Variants in MTCL1 observed in about 807,000 individuals in gnomAD.
MTCL1 encodes the protein microtubule cross-linking factor 1.
In MTCL1, 79 loss-of-function variants were observed where a neutral mutation model predicts 141.4. The observed-to-expected ratio is 0.56, with a 90% confidence interval of 0.47 to 0.67. The LOEUF is 0.67. Ranked by LOEUF, MTCL1 falls within the 30% of genes least tolerant of loss-of-function variation. The pLI, the probability that MTCL1 is intolerant of heterozygous loss-of-function variation, is 0.00. For synonymous variants in MTCL1, 914 were observed against 875.8 expected (o/e 1.04, Z -0.77); for missense variants, 2,177 against 2,113.9 (o/e 1.03, Z -0.59).
At chr18:8,803,650 G>A (rs568529842) in intron 10 of MTCL1, among the ~76,000 whole-genome samples, 1 of 152,282 alleles carries the variant, frequency 6.6e-6, no homozygotes, top group East Asian at 1.9e-4. Flanking sequence ...GGTACCAATA[G>A]CATTGAGCTG....
chr18:8,717,197 G>C (rs983673617), upstream of MTCL1, among the ~76,000 whole-genome samples: 2 of 152,096 alleles, frequency 1.3e-5, no homozygotes, highest in Non-Finnish European at 2.9e-5. Context: ...TGTTAGTGTA[G>C]GTGACAGACA....
upstream of MTCL1, among the ~76,000 whole-genome samples, chr18:8,713,935 T>C (rs1383197484): frequency 6.6e-6 from 1 of 152,146 alleles, no homozygotes; most frequent in Non-Finnish European, 1.5e-5. Flanking sequence ...AGAGTGAGAC[T>C]CTGTCTCTTT....
intron 4 of MTCL1, among the ~76,000 whole-genome samples, chr18:8,721,464 G>A (rs767247656): frequency 1.1e-4 from 17 of 152,178 alleles, no homozygotes; most frequent in Non-Finnish European, 2.2e-4. Flanking sequence ...ACAAATCACA[G>A]CAAAGTAGCA....
chr18:8,809,257 A>G (rs1438740182), intron 11 of MTCL1, among the ~76,000 whole-genome samples: 1 of 152,202 alleles, frequency 6.6e-6, no homozygotes, highest in Non-Finnish European at 1.5e-5. Flanking sequence ...GTAGACTGAA[A>G]TCAGGGAATT....
rs980826417 is a variant in MTCL1 at position 8,818,203 on chromosome 18, T to C, written c.2860-760T>C. Among the ~76,000 whole-genome samples the C allele has an allele frequency of 9.9e-5, 15 of 152,218 alleles. 2 individuals are homozygous for C. Among genetic ancestry groups the C allele is most frequent in the Admixed American group, 9.2e-4 (14 of 15,280 alleles). ...ACTGAGCTCAGGAGAGTCGGGAACT[T>C]GCACCTGCCTGCAAACCAGCAAGCC... is the stretch of plus-strand genomic sequence containing the variant. On this transcript the variant is annotated intron_variant, in intron 12 of 16. Coordinates refer to ENST00000359865, the Ensembl canonical transcript of MTCL1.
rs779687112 is a variant in MTCL1, at chr18:8,783,690, C to T, written c.578C>T (p.Thr193Met). Residue 193 changes from threonine to methionine, a missense_variant, in exon 6 of 17, where the codon ACG (threonine) becomes ATG (methionine). Thr to Met is a moderately conservative substitution (Grantham distance 81). Coordinates refer to ENST00000359865, the Ensembl canonical transcript of MTCL1. ...GGGGATGTGGACAGTCCCCTGCCCA[C>T]GGGGGAAGCAGGCGGGCCCCCCAGC... 1.7e-5 allele frequency: 28 copies of T among 1,610,118 alleles called. No homozygotes were observed. The highest frequency in any genetic ancestry group is 1.6e-5 in the Non-Finnish European group (19 of 1,178,072).
At chr18:8,747,048 A>G (rs73939524) in intron 4 of MTCL1, among the ~76,000 whole-genome samples, 17,796 of 152,084 alleles carry the variant, frequency 0.12, 2,313 homozygotes, top group African/African-American at 0.31. Context: ...CACCCTTCCG[A>G]TGTCCTGTGT....
At chr18:8,719,027 T>A (rs891151197) in intron 3 of MTCL1, among the ~76,000 whole-genome samples, 7 of 152,132 alleles carry the variant, frequency 4.6e-5, no homozygotes, top group Non-Finnish European at 8.8e-5. Context: ...TCACTTAACA[T>A]TTTTTTATTG....
intron 4 of MTCL1, among the ~76,000 whole-genome samples, chr18:8,771,306 T>C (rs1414704370): frequency 1.3e-5 from 2 of 152,110 alleles, no homozygotes; most frequent in Non-Finnish European, 2.9e-5. Flanking sequence ...AGTAAAGGAA[T>C]CTTAATAACT....
chr18:8,825,985 G>A (rs114381054), exon 15 of MTCL1: 2 of 1,599,022 alleles, frequency 1.3e-6, no homozygotes, highest in South Asian at 1.1e-5. Context: ...TCCCGAGGAA[G>A]GTCGCCTAGC....
chr18:8,787,859 C>T (rs663178), intron 7 of MTCL1, among the ~76,000 whole-genome samples: 85,338 of 152,068 alleles, frequency 0.56, 24,847 homozygotes, highest in African/African-American at 0.73. Context: ...CTCCACAGTG[C>T]TTCCTTTTAT....
chr18:8,813,982 A>G (rs1317657734), intron 12 of MTCL1, among the ~76,000 whole-genome samples: 5 of 152,246 alleles, frequency 3.3e-5, no homozygotes, highest in Admixed American at 6.5e-5. Context: ...TTTACATAGT[A>G]TATATTTTGT....
In MTCL1 at chr18:8,785,845, C is replaced by G. The variant is rs2096551446; in HGVS notation, c.1732-91C>G. ...CATTTTTGTTTTCTTTATCCCCCCT[C>G]CCTGCCTCCACCCTTGTCCTTTGTT... On this transcript the variant is annotated intron_variant, in intron 6 of 16. Transcript: ENST00000359865. The G allele has an allele frequency of 2.0e-6, 3 of 1,480,574 alleles. No homozygotes were observed. In the African/African-American group the frequency reaches 4.2e-5, roughly 21 times the overall value. The allele number at this position is 1,480,574 out of a possible 1,614,324, so 91.7% of individuals were successfully genotyped here.
chr18:8,829,510 AT>A, intron 16 of MTCL1: 1 of 951,970 alleles, frequency 1.1e-6, no homozygotes, highest in African/African-American at 1.8e-5. Flanking sequence ...CTCAATAAAT[AT>A]TTGTTGAATG....
upstream of MTCL1, among the ~76,000 whole-genome samples, chr18:8,713,667 TTTTTTCTA>T (rs1381946676): frequency 6.6e-6 from 1 of 152,250 alleles, no homozygotes; most frequent in African/African-American, 2.4e-5. Context: ...TGAAAATTAC[TTTTTTCTA>T]GGCTCTCTGG....
chr18:8,727,852 T>TTCTCTC (rs71297365), intron 4 of MTCL1, among the ~76,000 whole-genome samples: 4 of 135,374 alleles, frequency 3.0e-5, no homozygotes, highest in Non-Finnish European at 6.0e-5. Flanking sequence ...TGCTTGCTCC[T>TTCTCTC]TCTCTCTCTC....
rs372908697 is a variant in MTCL1, at chr18:8,779,960, G to T, written c.417+2068G>T. On this transcript the variant is annotated intron_variant, in intron 5 of 16. Coordinates refer to ENST00000359865, the Ensembl canonical transcript of MTCL1. The surrounding 1 kb of genome is among the most constrained non-coding windows in gnomAD (Gnocchi z 4.1). ...TTCTATGATAGATTTGTAGTGGATG[G>T]TGGACAGAGGGTGATGGTGTGAGGT... 6.6e-6 allele frequency among the ~76,000 whole-genome samples: 1 copy of T among 152,242 alleles called. No individual in the cohort carries two copies. Among genetic ancestry groups the T allele is most frequent in the South Asian group, 2.1e-4 (1 of 4,812 alleles).
intron 4 of MTCL1, among the ~76,000 whole-genome samples, chr18:8,733,070 T>C (rs1283826196): frequency 2.0e-5 from 3 of 152,132 alleles, no homozygotes; most frequent in Non-Finnish European, 4.4e-5. Context: ...GGTAGACCGT[T>C]GCCAGTTGTT....
At chr18:8,816,883 T>C (rs2076671780) in intron 12 of MTCL1, among the ~76,000 whole-genome samples, 1 of 152,174 alleles carries the variant, frequency 6.6e-6, no homozygotes, top group African/African-American at 2.4e-5. Context: ...ATGACTCCTA[T>C]AGGAAACCCT....
Sources: gnomAD v4.1 joint callset for allele counts (sites outside exome capture counted in the v4.1 genomes callset) on GRCh38, gnomAD v4.1.1 for gene constraint, Gnocchi (gnomAD v3.1) non-coding constraint, MANE v1.5 for transcripts, NCBI Gene and HGNC (gene_info 2026-07-23, HGNC 2026-07-21) for gene names.